The following RGSL1 variants were observed in gnomAD, a reference collection of about 807,000 sequenced individuals.
RGSL1 encodes regulator of G protein signaling like 1.
In RGSL1, 97 loss-of-function variants were observed where a neutral mutation model predicts 124.7. The observed-to-expected ratio is 0.78, with a 90% CI of 0.66 to 0.92. The LOEUF (loss-of-function observed/expected upper bound fraction) is 0.92. RGSL1 is among the 40% of genes least tolerant of loss of function. RGSL1 has a pLI of 0.00. For synonymous variants in RGSL1, 424 were observed against 438.1 expected, an observed-to-expected ratio of 0.97 and a Z score of 0.40; for missense variants, 1,233 against 1,288.4, an observed-to-expected ratio of 0.96 and a Z score of 0.66.
chr1:182,452,076 TTAGA>T (rs1269366470), intron 1 of RGSL1, among the ~76,000 whole-genome samples: 1 of 151,768 alleles, frequency 6.6e-6, no homozygotes, highest in Non-Finnish European at 1.5e-5. Flanking sequence ...GTTTTCAGGA[TTAGA>T]TAATTTATTG....
chr1:182,503,536 C>T (rs1656562425), intron 9 of RGSL1, among the ~76,000 whole-genome samples: 1 of 130,720 alleles, frequency 7.6e-6, no homozygotes, highest in Non-Finnish European at 1.5e-5. Flanking sequence ...ACAATTGAAC[C>T]CATGGAGAAA....
chr1:182,490,428 C>A, intron 8 of RGSL1, among the ~76,000 whole-genome samples: 1 of 152,266 alleles, frequency 6.6e-6, no homozygotes, highest in Admixed American at 6.5e-5. Flanking sequence ...ACATCCGGCT[C>A]TTTTTTAAAA....
At chr1:182,555,086 A>C in intron 20 of RGSL1, 1 of 202,904 alleles carries the variant, frequency 4.9e-6, no homozygotes, top group Non-Finnish European at 1.0e-5. Flanking sequence ...TCATGATCCA[A>C]ATAGTATACA....
chr1:182,463,293 CAAA>C (rs1213777400), intron 4 of RGSL1, among the ~76,000 whole-genome samples: 3 of 60,514 alleles, frequency 5.0e-5, no homozygotes, highest in Non-Finnish European at 3.5e-5. Context: ...GACTCCATCT[CAAA>C]AAAAAAAAAA....
At chr1:182,458,678 G>T (rs1372846781) in intron 3 of RGSL1, among the ~76,000 whole-genome samples, 1 of 151,988 alleles carries the variant, frequency 6.6e-6, no homozygotes, top group Non-Finnish European at 1.5e-5. Context: ...TCACCATGTT[G>T]CCCAGGCTGG....
chr1:182,488,988 C>G lies in RGSL1; in HGVS notation c.1503C>G (p.Asn501Lys). The change falls in exon 8 of 22, where the codon AAC (asparagine) becomes AAG (lysine). Residue 501 changes from asparagine to lysine, a missense_variant. Coordinates refer to ENST00000294854, the MANE Select transcript of RGSL1 (RefSeq NM_001137669.2). ...TCACCCTCTTCTCTTAGACACAGAA[C>G]AGGTTCATCAGCTCCAGACAGCATA... ...DYWFLLFTTQ[N>K]RFISSRQHKR... 1.3e-6 allele frequency: 2 copies of G among 1,550,322 alleles called. No homozygotes were observed. The highest frequency in any genetic ancestry group is 2.0e-4 in the Middle Eastern group (1 of 5,108).
At chr1:182,547,937 T>C (rs1045984409) in intron 15 of RGSL1, among the ~76,000 whole-genome samples, 5 of 152,216 alleles carry the variant, frequency 3.3e-5, no homozygotes, top group African/African-American at 1.2e-4. Context: ...TAAAGTGCTC[T>C]ACAGGAGTGG....
At chr1:182,523,229 C>A (rs1658489753) in intron 10 of RGSL1, among the ~76,000 whole-genome samples, 1 of 142,970 alleles carries the variant, frequency 7.0e-6, no homozygotes, top group African/African-American at 2.6e-5. Context: ...TTTCTAGAGA[C>A]TGGGTCTTGC....
intron 4 of RGSL1, among the ~76,000 whole-genome samples, chr1:182,463,934 A>G (rs895433493): frequency 2.0e-5 from 3 of 152,232 alleles, no homozygotes; most frequent in Admixed American, 6.5e-5. Context: ...GTGCACATGG[A>G]ACATTTTCTG....
chr1:182,558,677 C>T (rs1661002043), intron 21 of RGSL1, among the ~76,000 whole-genome samples: 1 of 152,170 alleles, frequency 6.6e-6, no homozygotes, highest in Non-Finnish European at 1.5e-5. Context: ...GGCCTTCTTC[C>T]TCTGTCTTTA....
intron 4 of RGSL1, among the ~76,000 whole-genome samples, chr1:182,463,488 A>G (rs1653021734): frequency 6.6e-6 from 1 of 152,132 alleles, no homozygotes; most frequent in African/African-American, 2.4e-5. Context: ...ATAGTAACCA[A>G]AAGAAAGCAG....
intron 9 of RGSL1, among the ~76,000 whole-genome samples, chr1:182,510,283 C>T (rs865826887): frequency 5.3e-5 from 2 of 37,748 alleles, no homozygotes; most frequent in Non-Finnish European, 1.2e-4. Flanking sequence ...GGGTGGCGGC[C>T]GGGCAGAGGC....
intron 4 of RGSL1, among the ~76,000 whole-genome samples, chr1:182,463,293 CAAAAA>C (rs1213777400): frequency 3.3e-5 from 2 of 60,516 alleles, no homozygotes; most frequent in African/African-American, 1.1e-4. Flanking sequence ...GACTCCATCT[CAAAAA>C]AAAAAAAAAA....
At chr1:182,533,755 T>A (rs1277319920) in intron 14 of RGSL1, among the ~76,000 whole-genome samples, 1 of 152,222 alleles carries the variant, frequency 6.6e-6, no homozygotes, top group Non-Finnish European at 1.5e-5. Context: ...TTAGCTAGTG[T>A]TACTGCTATT....
rs1204938025 is a variant in RGSL1, at chr1:182,522,117, A to G, written c.1931+8A>G. 1.3e-6 allele frequency: 2 copies of G among 1,533,512 alleles called. No individual in the cohort carries two copies. The highest frequency in any genetic ancestry group is 1.7e-4 in the Middle Eastern group (1 of 5,942). The allele number at this position is 1,533,512 out of a possible 1,614,324, so 95.0% of individuals were successfully genotyped here. On this transcript the variant is annotated splice_region_variant and intron_variant, in intron 10 of 21. Coordinates refer to ENST00000294854, the MANE Select transcript of RGSL1 (RefSeq NM_001137669.2). ...GCCATCAATGAGACCCAGGTGAGAT[A>G]TAGAATCTGTTTACAGCAACATCTT... is the stretch of plus-strand genomic sequence containing the variant.
At chr1:182,455,341 G>A (rs1652217169) in intron 2 of RGSL1, among the ~76,000 whole-genome samples, 3 of 152,204 alleles carry the variant, frequency 2.0e-5, no homozygotes, top group South Asian at 4.1e-4. Context: ...CAGCAATTTG[G>A]GAGGCCAAGG....
intron 11 of RGSL1, among the ~76,000 whole-genome samples, chr1:182,529,051 G>T (rs183095980): frequency 1.4e-3 from 208 of 152,248 alleles, no homozygotes; most frequent in Non-Finnish European, 2.3e-3. Flanking sequence ...TCTCCACCTG[G>T]TCCTGCCCTT....
intron 20 of RGSL1, chr1:182,555,027 T>C (rs1056772657): frequency 7.3e-6 from 2 of 272,134 alleles, no homozygotes; most frequent in Non-Finnish European, 1.4e-5. Flanking sequence ...AGTGCAGTTT[T>C]GTTACATGGA....
chr1:182,547,573 C>T (rs1473509503), intron 15 of RGSL1, among the ~76,000 whole-genome samples: 1 of 151,996 alleles, frequency 6.6e-6, no homozygotes, highest in Non-Finnish European at 1.5e-5. Context: ...TAAAATGTTC[C>T]ACTGGCAGCA....
Sources: gnomAD v4.1 joint callset for allele counts (sites outside exome capture counted in the v4.1 genomes callset) on GRCh38, gnomAD v4.1.1 for gene constraint, MANE v1.5 for transcripts, NCBI Gene and HGNC (gene_info 2026-07-23, HGNC 2026-07-21) for gene names.